Variants in RNFT2 observed in about 807,000 individuals in gnomAD.
RNFT2 encodes E3 ubiquitin-protein ligase RNFT2.
A neutral mutation model predicts 53.0 loss-of-function variants in RNFT2; 36 were observed. That is an observed-to-expected ratio of 0.68 (90% CI 0.52 to 0.90). The LOEUF is 0.90. RNFT2 is among the 40% of genes least tolerant of loss of function. The pLI, the probability that RNFT2 is intolerant of heterozygous loss-of-function variation, is 0.00. For missense variants in RNFT2, 514 were observed against 585.6 expected, an observed-to-expected ratio of 0.88 and a Z score of 1.26; for synonymous variants, 260 against 253.2, an observed-to-expected ratio of 1.03 and a Z score of -0.26.
chr12:116,765,984 T>A (rs1872896169), intron 5 of RNFT2, among the ~76,000 whole-genome samples: 1 of 152,246 alleles, frequency 6.6e-6, no homozygotes, highest in Non-Finnish European at 1.5e-5. Context: ...CCAGACTGAA[T>A]GTTTGCATTT....
intron 3 of RNFT2, 141 bp downstream of exon 3, chr12:116,741,235 G>T (rs1297324221): frequency 1.5e-6 from 1 of 674,944 alleles, no homozygotes. Context: ...AACATTCAAC[G>T]CATAATAGCT....
At chr12:116,797,538 C>CA (rs200259830) in intron 7 of RNFT2, among the ~76,000 whole-genome samples, 12,279 of 130,884 alleles carry the variant, frequency 0.094, 758 homozygotes, top group African/African-American at 0.18. Flanking sequence ...CTGTCTATCT[C>CA]AAAAAAAAAA....
chr12:116,823,884 G>A (rs1006390637), intron 7 of RNFT2, among the ~76,000 whole-genome samples: 2 of 151,894 alleles, frequency 1.3e-5, no homozygotes, highest in African/African-American at 4.9e-5. Context: ...TAGGAGCCAG[G>A]GGCTACCATT....
intron 7 of RNFT2, among the ~76,000 whole-genome samples, chr12:116,832,142 A>T (rs1407252399): frequency 2.7e-3 from 165 of 61,586 alleles, no homozygotes; most frequent in African/African-American, 7.8e-3. Context: ...AAAAAAAAAA[A>T]AAAAAAATAT....
In RNFT2 at chr12:116,851,647, G is replaced by C. The variant is rs1432541519; in HGVS notation, c.*2199G>C. 3 of 626,350 alleles carry C rather than the reference G, an allele frequency of 4.8e-6. No homozygotes were observed. Among genetic ancestry groups the C allele is most frequent in the East Asian group, 5.4e-5 (2 of 36,856 alleles). 38.8% of individuals were successfully genotyped at this position (626,350 alleles called of 1,614,324 possible). A position where few individuals can be genotyped will look rare whatever the true frequency, so the allele number is the denominator to read the frequency against. On this transcript the variant is annotated 3_prime_UTR_variant, in exon 11 of 11. Transcript: ENST00000257575. ...CCCAGCTACTCAGGAGGCTAAGGCA[G>C]GGAGAACTGCTTGAACTCGGGAGGT...
In RNFT2 at chr12:116,849,510, C is replaced by A; in HGVS notation, c.*62C>A. ...GTCAGCATGCCCGGACCCAGCCCTG[C>A]GGGGGCTTCCTGAGAAACAGGCCTC... On this transcript the variant is annotated 3_prime_UTR_variant, in exon 11 of 11. Coordinates refer to ENST00000257575, the MANE Select transcript of RNFT2 (RefSeq NM_001382266.1). 6.6e-7 allele frequency: 1 copy of A among 1,504,632 alleles called. No homozygotes were observed. Among genetic ancestry groups the A allele is most frequent in the Non-Finnish European group, 8.9e-7 (1 of 1,124,078 alleles). The allele number at this position is 1,504,632 out of a possible 1,614,324, so 93.2% of individuals were successfully genotyped here. A position where few individuals can be genotyped will look rare whatever the true frequency, so the allele number is the denominator to read the frequency against.
At chr12:116,791,442 G>A (rs1252864154) in intron 7 of RNFT2, among the ~76,000 whole-genome samples, 1 of 152,144 alleles carries the variant, frequency 6.6e-6, no homozygotes, top group African/African-American at 2.4e-5. Flanking sequence ...CCCAAGAGTA[G>A]CTGGGATTAC....
At chr12:116,831,919 A>G (rs1876671353) in intron 7 of RNFT2, among the ~76,000 whole-genome samples, 1 of 151,918 alleles carries the variant, frequency 6.6e-6, no homozygotes, top group African/African-American at 2.4e-5. Context: ...GCTTGAGCCC[A>G]GGAGTTTGAG....
intron 7 of RNFT2, among the ~76,000 whole-genome samples, chr12:116,800,738 T>C (rs2088235): frequency 0.061 from 9,241 of 151,086 alleles, 396 homozygotes; most frequent in African/African-American, 0.098. Flanking sequence ...TGCTTGAGCC[T>C]GGGAGGTGGA....
At chr12:116,750,367 C>T (rs908088050) in intron 4 of RNFT2, 60 bp downstream of exon 4, 7 of 1,496,136 alleles carry the variant, frequency 4.7e-6, no homozygotes, top group Admixed American at 3.9e-5. Context: ...TGCCTGCAGC[C>T]GGTGGGGTGG....
At chr12:116,750,862 T>A (rs368983165) in intron 4 of RNFT2, among the ~76,000 whole-genome samples, 3 of 5,280 alleles carry the variant, frequency 5.7e-4, no homozygotes, top group South Asian at 4.5e-3. Flanking sequence ...ATATATATTA[T>A]ATATATATAA....
At chr12:116,819,327 G>C (rs900064012) in intron 7 of RNFT2, among the ~76,000 whole-genome samples, 1 of 152,194 alleles carries the variant, frequency 6.6e-6, no homozygotes, top group African/African-American at 2.4e-5. Context: ...AAGAGCCTCA[G>C]GCTCGGGGGC....
At chr12:116,767,509 C>T (rs987364350) in intron 6 of RNFT2, among the ~76,000 whole-genome samples, 4 of 149,906 alleles carry the variant, frequency 2.7e-5, no homozygotes, top group Non-Finnish European at 4.5e-5. Context: ...AGGTGTGAGT[C>T]GCCGCACCTG....
chr12:116,834,730 A>G (rs1040000787), intron 8 of RNFT2, among the ~76,000 whole-genome samples: 2 of 152,066 alleles, frequency 1.3e-5, no homozygotes, highest in Admixed American at 6.6e-5. Flanking sequence ...ACATTGTAAC[A>G]TGTATCAGTA....
chr12:116,778,519 T>C (rs1873540282), intron 6 of RNFT2, among the ~76,000 whole-genome samples: 2 of 152,226 alleles, frequency 1.3e-5, no homozygotes, highest in African/African-American at 4.8e-5. Flanking sequence ...TGCCATGCCC[T>C]TGAACTTTCC....
chr12:116,759,095 C>G (rs1401584130), intron 5 of RNFT2, among the ~76,000 whole-genome samples: 2 of 152,088 alleles, frequency 1.3e-5, no homozygotes, highest in Non-Finnish European at 2.9e-5. Context: ...TGGGTTAATT[C>G]AAAGACCTTG....
intron 7 of RNFT2, among the ~76,000 whole-genome samples, chr12:116,809,402 GCTT>G (rs1875254443): frequency 1.3e-5 from 2 of 152,258 alleles, no homozygotes; most frequent in Admixed American, 1.3e-4. Context: ...GGGGTCCAGC[GCTT>G]CTTTGAAGTC....
intron 10 of RNFT2, among the ~76,000 whole-genome samples, chr12:116,838,520 C>T (rs1877093776): frequency 6.6e-6 from 1 of 152,212 alleles, no homozygotes; most frequent in South Asian, 2.1e-4. Flanking sequence ...CAGTATGACA[C>T]AGCCGCTTGC....
intron 7 of RNFT2, among the ~76,000 whole-genome samples, chr12:116,811,480 A>C (rs1875373239): frequency 6.6e-6 from 1 of 151,872 alleles, no homozygotes; most frequent in African/African-American, 2.4e-5. Flanking sequence ...GGTTCAAGCA[A>C]TCCTTGTGCC....
Sources: allele counts gnomAD v4.1 joint callset (sites outside exome capture counted in the v4.1 genomes callset), GRCh38; gene constraint gnomAD v4.1.1; transcripts MANE v1.5; gene names NCBI Gene and HGNC (gene_info 2026-07-23, HGNC 2026-07-21).